Variants in EFCAB5 observed in about 807,000 individuals in gnomAD.
EFCAB5 encodes EF-hand calcium binding domain 5.
EFCAB5 carries 131 observed loss-of-function variants against 167.9 expected under a neutral mutation model. The ratio of observed to expected loss-of-function variants is 0.78; its 90% CI spans 0.68 to 0.90. The LOEUF (loss-of-function observed/expected upper bound fraction) is 0.90. EFCAB5 is among the 40% of genes least tolerant of loss of function. The probability of loss-of-function intolerance (pLI) is 0.00; values close to 1 mark genes in which losing one functional copy is unlikely to be tolerated. For missense variants in EFCAB5, 1,663 were observed against 1,745.2 expected, an observed-to-expected ratio of 0.95 and a Z score of 0.84; for synonymous variants, 574 against 602.8, an observed-to-expected ratio of 0.95 and a Z score of 0.70.
At chr17:29,964,055 C>A (rs901482876) in intron 3 of EFCAB5, among the ~76,000 whole-genome samples, 2 of 150,992 alleles carry the variant, frequency 1.3e-5, no homozygotes, top group Non-Finnish European at 2.9e-5. Flanking sequence ...CACTGTTTCA[C>A]ACACAGCCTG....
chr17:30,087,054 C>G lies in EFCAB5; in HGVS notation c.3580-9C>G. ...ATTACTCCTAATGAAATGCCTTCCT[C>G]TTTTCAAGGATTCAGACTATGTTTT... is the stretch of plus-strand genomic sequence containing the variant. On this transcript the variant is annotated splice_polypyrimidine_tract_variant and intron_variant, in intron 18 of 22. Coordinates refer to ENST00000394835, the MANE Select transcript of EFCAB5 (RefSeq NM_198529.4). 1 of 1,612,704 alleles carries G rather than the reference C, an allele frequency of 6.2e-7. No individual in the cohort carries two copies. Among genetic ancestry groups the G allele is most frequent in the East Asian group, 2.2e-5 (1 of 44,838 alleles).
intron 3 of EFCAB5, among the ~76,000 whole-genome samples, chr17:29,965,644 A>T (rs2067814234): frequency 6.6e-6 from 1 of 152,188 alleles, no homozygotes; most frequent in African/African-American, 2.4e-5. Context: ...TGTTGAAGAG[A>T]CTGTTTTTTC....
At chr17:29,994,327 T>C (rs566306437) in intron 5 of EFCAB5, among the ~76,000 whole-genome samples, 22 of 151,640 alleles carry the variant, frequency 1.5e-4, no homozygotes, top group Non-Finnish European at 2.6e-4. Flanking sequence ...TTTTTAGTAA[T>C]TGAAGAATGA....
At chr17:30,081,515 T>C (rs1424497491) in intron 17 of EFCAB5, among the ~76,000 whole-genome samples, 1 of 152,222 alleles carries the variant, frequency 6.6e-6, no homozygotes, top group Non-Finnish European at 1.5e-5. Flanking sequence ...TTTAAGATCA[T>C]GAAATAGCTA....
intron 22 of EFCAB5, 66 bp from the exon 23 acceptor site, chr17:30,107,768 C>A: frequency 7.7e-7 from 1 of 1,294,366 alleles, no homozygotes; most frequent in Non-Finnish European, 1.0e-6. Flanking sequence ...AATATTAGAA[C>A]TTATAATTTT....
chr17:29,968,453 T>C, intron 3 of EFCAB5: 1 of 373,986 alleles, frequency 2.7e-6, no homozygotes, highest in Non-Finnish European at 5.1e-6. Flanking sequence ...AGAAAAACCC[T>C]TTGTCCTCTA....
Position 30,034,427 on chromosome 17 carries a change from T to C in EFCAB5, c.1200+42T>C, listed in dbSNP as rs894595012. On this transcript the variant is annotated intron_variant, in intron 8 of 22. Coordinates refer to ENST00000394835, the MANE Select transcript of EFCAB5 (RefSeq NM_198529.4). ...AAATAATTGCTTCTTGGCCAGACAC[T>C]GTGGCTCACGCCTGTAATCCCAGCA... 7.1e-6 allele frequency: 11 copies of C among 1,546,784 alleles called. No individual in the cohort carries two copies. In the Admixed American group the frequency reaches 2.0e-4, roughly 28 times the overall value.
At chr17:30,038,214 C>A (rs891480721) in intron 8 of EFCAB5, among the ~76,000 whole-genome samples, 1 of 152,200 alleles carries the variant, frequency 6.6e-6, no homozygotes, top group Non-Finnish European at 1.5e-5. Flanking sequence ...GCCTAGCAGA[C>A]TCTCTTCTTA....
Position 30,051,168 on chromosome 17 carries a change from T to C in EFCAB5, c.1251T>C (p.Tyr417=). ...QRTLALLELF[Y]DHSSQMLRSL... ...CATTGGCCCTGCTGGAATTGTTCTA[T>C]GACCATAGTTCACAAATGCTTAGGA... The change falls in exon 9 of 23, where the codon TAT becomes TAC. Residue 417 remains tyrosine (Y), a synonymous_variant. Coordinates refer to ENST00000394835, the MANE Select transcript of EFCAB5 (RefSeq NM_198529.4). 3 of 1,614,048 alleles carry C rather than the reference T, an allele frequency of 1.9e-6. No homozygotes were observed. The highest frequency in any genetic ancestry group is 2.2e-5 in the South Asian group (2 of 91,084).
At chr17:29,981,200 A>G (rs1382288449) in intron 4 of EFCAB5, among the ~76,000 whole-genome samples, 1 of 152,212 alleles carries the variant, frequency 6.6e-6, no homozygotes, top group Admixed American at 6.5e-5. Flanking sequence ...TTTTACCCTC[A>G]GAATAAAGAA....
At chr17:29,989,463 T>G (rs2068364358) in intron 4 of EFCAB5, among the ~76,000 whole-genome samples, 1 of 152,244 alleles carries the variant, frequency 6.6e-6, no homozygotes, top group Non-Finnish European at 1.5e-5. Flanking sequence ...GGCCGCAGGT[T>G]GTTTACCACA....
Position 30,080,119 on chromosome 17 carries a change from CTT to C in EFCAB5, c.3076_3077del (p.Leu1026ArgfsTer8). The C allele has an allele frequency of 6.2e-7, 1 of 1,613,594 alleles. No homozygotes were observed. Among genetic ancestry groups the C allele is most frequent in the Non-Finnish European group, 8.5e-7 (1 of 1,179,746 alleles). On this transcript the variant is annotated frameshift_variant, in exon 16 of 23. Coordinates refer to ENST00000394835, the MANE Select transcript of EFCAB5 (RefSeq NM_198529.4). LOFTEE classifies it high-confidence loss of function. ...AAAAGATCAGTGCTCACATTTCCCT[CTT>C]AGAAGAAAACCTACTACTGCCTGAG... is the stretch of plus-strand genomic sequence containing the variant. ...NKKISAHISL[L>X]EENLLLPEKG...
At chr17:30,068,344 G>C (rs963808659) in intron 14 of EFCAB5, among the ~76,000 whole-genome samples, 1 of 151,588 alleles carries the variant, frequency 6.6e-6, no homozygotes, top group African/African-American at 2.4e-5. Flanking sequence ...CTATACACTA[G>C]CAATTAACTA....
chr17:30,023,717 A>C (rs1021797093), intron 7 of EFCAB5, among the ~76,000 whole-genome samples: 43 of 152,272 alleles, frequency 2.8e-4, no homozygotes, highest in Non-Finnish European at 5.4e-4. Context: ...AGCCGGGCAG[A>C]GACACAACAA....
At chr17:29,940,612 A>G (rs1249913422), upstream of EFCAB5, among the ~76,000 whole-genome samples, 1 of 151,994 alleles carries the variant, frequency 6.6e-6, no homozygotes. Flanking sequence ...ACATAAATTT[A>G]TTTTCTATTA....
intron 14 of EFCAB5, among the ~76,000 whole-genome samples, chr17:30,067,957 A>G (rs1162242899): frequency 6.6e-6 from 1 of 152,238 alleles, no homozygotes; most frequent in African/African-American, 2.4e-5. Context: ...CCACCAAAAA[A>G]TTATTAAAAC....
chr17:30,062,289 G>A (rs1362535555), intron 14 of EFCAB5, among the ~76,000 whole-genome samples: 1 of 152,114 alleles, frequency 6.6e-6, no homozygotes, highest in Non-Finnish European at 1.5e-5. Flanking sequence ...CAGAAATCCT[G>A]GTGAGCCCAG....
chr17:30,070,719 G>A lies in EFCAB5; in HGVS notation c.2738-7496G>A, dbSNP rs1416143172. ...AATCCCAGCACTTTGGGAGGCTGAG[G>A]CAGGTGGATTACCTGAGATCAGGAG... On this transcript the variant is annotated intron_variant, in intron 14 of 22. Coordinates refer to ENST00000394835, the MANE Select transcript of EFCAB5 (RefSeq NM_198529.4). Among the ~76,000 whole-genome samples the A allele has an allele frequency of 2.0e-5, 3 of 152,190 alleles. No homozygotes were observed. In the East Asian group the frequency reaches 5.8e-4, roughly 29 times the overall value.
At chr17:30,023,686 C>T (rs2069240906) in intron 7 of EFCAB5, among the ~76,000 whole-genome samples, 1 of 152,040 alleles carries the variant, frequency 6.6e-6, no homozygotes, top group African/African-American at 2.4e-5. Flanking sequence ...TTTTATGAGG[C>T]CAGCATCATC....
Sources: allele counts gnomAD v4.1 joint callset (sites outside exome capture counted in the v4.1 genomes callset), GRCh38; gene constraint gnomAD v4.1.1; transcripts MANE v1.5; gene names NCBI Gene and HGNC (gene_info 2026-07-23, HGNC 2026-07-21).